The following PTPRN2 variants were observed in gnomAD, a reference collection of about 807,000 sequenced individuals.
PTPRN2 encodes protein tyrosine phosphatase receptor type N2, also known as receptor-type tyrosine-protein phosphatase N2.
PTPRN2 carries 74 observed loss-of-function variants against 118.8 expected under a neutral mutation model. The observed-to-expected ratio is 0.62, with a 90% CI of 0.52 to 0.76. The LOEUF is 0.76. Among genes scored for constraint, PTPRN2 ranks in the 30% least tolerant of loss-of-function variants. The pLI is 0.00. For synonymous variants in PTPRN2, 641 were observed against 608.0 expected (o/e 1.05, Z -0.80); for missense variants, 1,481 against 1,394.4 (o/e 1.06, Z -0.99).
chr7:158,272,544 C>T (rs1798583803), intron 3 of PTPRN2, among the ~76,000 whole-genome samples: 1 of 152,194 alleles, frequency 6.6e-6, no homozygotes. Flanking sequence ...CCCTCACTCT[C>T]TACCAGAACG....
intron 4 of PTPRN2, 76 bp downstream of exon 4, chr7:158,205,095 A>G: frequency 7.9e-7 from 1 of 1,268,490 alleles, no homozygotes; most frequent in Non-Finnish European, 1.1e-6. Flanking sequence ...AAAACAAACA[A>G]ACAAACAAAT....
intron 12 of PTPRN2, among the ~76,000 whole-genome samples, chr7:157,814,282 C>T (rs140978729): frequency 2.6e-5 from 4 of 152,192 alleles, no homozygotes; most frequent in South Asian, 4.1e-4. Flanking sequence ...CGGATGTGCG[C>T]GTGAAGGAAA....
chr7:158,367,484 C>T (rs560487672), intron 2 of PTPRN2, among the ~76,000 whole-genome samples: 149 of 152,302 alleles, frequency 9.8e-4, no homozygotes, highest in Non-Finnish European at 1.7e-3. Context: ...AGGATGGAGG[C>T]ACCAACTGGG....
At chr7:157,721,700 C>T (rs761354964) in intron 12 of PTPRN2, among the ~76,000 whole-genome samples, 16 of 152,164 alleles carry the variant, frequency 1.1e-4, no homozygotes, top group Non-Finnish European at 1.9e-4. Flanking sequence ...GGCTGCAGCA[C>T]GGTTTCCTCA....
Position 157,874,902 on chromosome 7 carries a change from TACAC to T in PTPRN2, c.1788+23767_1788+23770del, listed in dbSNP as rs199645361. ...ACACACGGAGACACACTCGTGCACA[TACAC>T]ACACACTCATGCACATACACAGAGA... On this transcript the variant is annotated intron_variant, in intron 12 of 22. Coordinates refer to ENST00000389418, the MANE Select transcript of PTPRN2 (RefSeq NM_002847.5). This position sits in a 1 kb window ranked among gnomAD's most constrained non-coding sequence, Gnocchi z 5.8. 1.0e-4 allele frequency among the ~76,000 whole-genome samples: 15 copies of T among 148,594 alleles called. No homozygotes were observed. Among genetic ancestry groups the T allele is most frequent in the East Asian group, 8.0e-4 (4 of 5,006 alleles).
chr7:157,842,284 G>C (rs1375182447), intron 12 of PTPRN2, among the ~76,000 whole-genome samples: 1 of 151,992 alleles, frequency 6.6e-6, no homozygotes, highest in African/African-American at 2.4e-5. Context: ...CAGCCGCCTC[G>C]TCCACCTGAC....
intron 11 of PTPRN2, among the ~76,000 whole-genome samples, chr7:157,952,378 A>G (rs147540434): frequency 0.027 from 3,697 of 138,304 alleles, 181 homozygotes; most frequent in African/African-American, 0.095. Flanking sequence ...TGGGACAGGC[A>G]AGGGTGGGTA....
rs546972615 is a variant in PTPRN2, at chr7:158,156,577, G to T, written c.910+10354C>A. ...ACCTCGAAAAGTTCTAGAAATGCCG[G>T]TGGAGAGGGCAGGTGAACACACAGC... On this transcript the variant is annotated intron_variant, in intron 6 of 22. Transcript: ENST00000389418. Among the ~76,000 whole-genome samples, 4 of 152,362 alleles carry T rather than the reference G, an allele frequency of 2.6e-5. No individual in the cohort carries two copies. The South Asian group carries it at 8.3e-4, about 32-fold the overall frequency.
chr7:158,089,578 A>G (rs1214734808), intron 10 of PTPRN2, among the ~76,000 whole-genome samples: 28 of 121,980 alleles, frequency 2.3e-4, no homozygotes, highest in African/African-American at 8.2e-4. Context: ...CCCTGATGAA[A>G]GAGGGAGTCT....
chr7:158,508,982 G>A lies in PTPRN2; in HGVS notation c.113-19197C>T, dbSNP rs114343097. Among the ~76,000 whole-genome samples the A allele has an allele frequency of 6.6e-4, 99 of 150,898 alleles. 1 individual carries two copies. Among genetic ancestry groups the A allele is most frequent in the Non-Finnish European group, 1.1e-3 (78 of 68,014 alleles). On this transcript the variant is annotated intron_variant, in intron 1 of 22. Coordinates refer to ENST00000389418, the MANE Select transcript of PTPRN2 (RefSeq NM_002847.5). ...GATGCTCAGGAGGGGGCCTCAGCAC[G>A]CAGGAAGCTGAGCTCACAAGGGGTC...
chr7:157,997,025 A>C (rs1804800148), intron 11 of PTPRN2, among the ~76,000 whole-genome samples: 1 of 152,188 alleles, frequency 6.6e-6, no homozygotes, highest in Non-Finnish European at 1.5e-5. Context: ...AGGCATGAGG[A>C]GCAGTCCCAC....
chr7:158,191,321 C>T (rs1414759381), intron 5 of PTPRN2, among the ~76,000 whole-genome samples: 1 of 152,174 alleles, frequency 6.6e-6, no homozygotes, highest in Non-Finnish European at 1.5e-5. Flanking sequence ...TTTCCTGTCT[C>T]ACACCAGCAT....
chr7:158,060,376 C>A (rs1386360793), intron 11 of PTPRN2, among the ~76,000 whole-genome samples: 3 of 152,242 alleles, frequency 2.0e-5, no homozygotes. Context: ...CCAGCGGCCG[C>A]CATCACAGGT....
intron 1 of PTPRN2, among the ~76,000 whole-genome samples, chr7:158,533,348 C>T (rs1315765737): frequency 6.6e-6 from 1 of 152,244 alleles, no homozygotes; most frequent in Non-Finnish European, 1.5e-5. Flanking sequence ...GCCAAACTCA[C>T]TTGTTGAGCA....
At chr7:157,775,344 C>T (rs1171757110) in intron 12 of PTPRN2, among the ~76,000 whole-genome samples, 1 of 152,240 alleles carries the variant, frequency 6.6e-6, no homozygotes, top group Non-Finnish European at 1.5e-5. Flanking sequence ...GGCTACCTCA[C>T]CTCACCCTGC....
Position 158,274,415 on chromosome 7 carries a change from GGGAGCCGCAGACAGACATGGGA to G in PTPRN2, c.277+42382_277+42403del, listed in dbSNP as rs1302125966. 1.1e-4 allele frequency among the ~76,000 whole-genome samples: 15 copies of G among 132,592 alleles called. No homozygotes were observed. In the East Asian group the frequency reaches 1.5e-3, roughly 13 times the overall value. The allele number at this position is 132,592 out of a possible 152,430, so 87.0% of individuals were successfully genotyped here. On this transcript the variant is annotated intron_variant, in intron 3 of 22. Transcript: ENST00000389418. ...GCACAGGGGGAGCCACAGGCACAGGGGGAGCCGCAGACAGACATGGGAGGAGCCGCAGACACGGGGAGCCGCA... is the reference window on the plus strand; with the variant it reads ...GCACAGGGGGAGCCACAGGCACAGGGGGAGCCGCAGACACGGGGAGCCGCA...
intron 3 of PTPRN2, among the ~76,000 whole-genome samples, chr7:158,268,982 G>A (rs1194180044): frequency 3.3e-5 from 5 of 152,210 alleles, no homozygotes; most frequent in Non-Finnish European, 7.3e-5. Flanking sequence ...GCCGTTGCCG[G>A]GCCTGAAAAT....
chr7:157,573,065 A>G (rs930230893), intron 19 of PTPRN2, among the ~76,000 whole-genome samples: 1 of 152,216 alleles, frequency 6.6e-6, no homozygotes, highest in Non-Finnish European at 1.5e-5. Flanking sequence ...ACTTATGTCT[A>G]CTTCTACAAT....
At chr7:158,049,299 C>T (rs542374916) in intron 11 of PTPRN2, among the ~76,000 whole-genome samples, 36 of 152,288 alleles carry the variant, frequency 2.4e-4, no homozygotes, top group African/African-American at 8.7e-4. Context: ...CATCATTCCC[C>T]CAGCCATCTC....
Sources: allele counts gnomAD v4.1 joint callset (sites outside exome capture counted in the v4.1 genomes callset), GRCh38; gene constraint gnomAD v4.1.1; non-coding constraint Gnocchi (gnomAD v3.1); transcripts MANE v1.5; gene names NCBI Gene and HGNC (gene_info 2026-07-23, HGNC 2026-07-21).